Variants in PALLD observed in about 807,000 individuals in gnomAD.
The protein encoded by PALLD is palladin, cytoskeletal associated protein.
In PALLD, 61 loss-of-function variants were observed where a neutral mutation model predicts 123.5. The ratio of observed to expected loss-of-function variants is 0.49; its 90% CI spans 0.40 to 0.61. The LOEUF (loss-of-function observed/expected upper bound fraction) is 0.61. Among genes scored for constraint, PALLD ranks in the 20% least tolerant of loss-of-function variants. The pLI, the probability that PALLD is intolerant of heterozygous loss-of-function variation, is 0.00. For missense variants in PALLD, 1,273 were observed against 1,377.0 expected (o/e 0.92, Z 1.20); for synonymous variants, 465 against 496.4 (o/e 0.94, Z 0.84).
intron 2 of PALLD, among the ~76,000 whole-genome samples, chr4:168,662,429 C>T (rs1779213743): frequency 6.6e-6 from 1 of 152,230 alleles, no homozygotes; most frequent in South Asian, 2.1e-4. Context: ...CAGCCTTCAA[C>T]TTTAGTTGCT....
intron 2 of PALLD, among the ~76,000 whole-genome samples, chr4:168,542,819 T>C (rs957483443): frequency 4.8e-5 from 7 of 146,842 alleles, no homozygotes; most frequent in Non-Finnish European, 9.0e-5. Context: ...TGGGAATCTT[T>C]CACATCCTTA....
At chr4:168,640,241 G>A (rs1375753367) in intron 2 of PALLD, among the ~76,000 whole-genome samples, 1 of 152,156 alleles carries the variant, frequency 6.6e-6, no homozygotes, top group East Asian at 1.9e-4. Flanking sequence ...CCTCCATGTA[G>A]CATCCAGAAC....
chr4:168,748,280 C>A (rs534815544), intron 10 of PALLD, among the ~76,000 whole-genome samples: 53 of 152,264 alleles, frequency 3.5e-4, no homozygotes, highest in Admixed American at 4.6e-4. Flanking sequence ...TTCAGTCTCA[C>A]CCCAAATCAG....
chr4:168,582,599 T>C (rs190658550), intron 2 of PALLD, among the ~76,000 whole-genome samples: 75 of 152,282 alleles, frequency 4.9e-4, no homozygotes, highest in Admixed American at 2.2e-3. Flanking sequence ...TTGAGGAACA[T>C]TTCTTTGATA....
chr4:168,532,386 T>C (rs543430214), intron 2 of PALLD, among the ~76,000 whole-genome samples: 1 of 152,294 alleles, frequency 6.6e-6, no homozygotes, highest in South Asian at 2.1e-4. Context: ...AATCTAACTA[T>C]CAGAATAGCC....
rs573055680 is a variant in PALLD at position 168,728,959 on chromosome 4, T to A, written c.1964+17036T>A. ...TTGCCTGATTGCTCTGGCTAGGACA[T>A]CTGTGTCTTGCCTTTCTAAGATGAA... On this transcript the variant is annotated intron_variant, in intron 10 of 21. Coordinates refer to ENST00000505667, the MANE Select transcript of PALLD (RefSeq NM_001166108.2). 3.3e-5 allele frequency among the ~76,000 whole-genome samples: 5 copies of A among 152,320 alleles called. No individual in the cohort carries two copies. The South Asian group carries it at 1.0e-3, about 32-fold the overall frequency.
At chr4:168,720,730 G>A (rs561111926) in intron 10 of PALLD, among the ~76,000 whole-genome samples, 2 of 152,290 alleles carry the variant, frequency 1.3e-5, no homozygotes, top group South Asian at 2.1e-4. Context: ...TAAGAGAAAG[G>A]CATATCCTAT....
intron 8 of PALLD, among the ~76,000 whole-genome samples, chr4:168,697,286 G>A (rs1783219701): frequency 6.6e-6 from 1 of 152,236 alleles, no homozygotes; most frequent in African/African-American, 2.4e-5. Flanking sequence ...ACCCGACAGT[G>A]TGCTCCACCA....
chr4:168,807,932 C>T (rs1042869152), intron 10 of PALLD, among the ~76,000 whole-genome samples: 1 of 152,008 alleles, frequency 6.6e-6, no homozygotes, highest in African/African-American at 2.4e-5. Context: ...TCTCGAACTT[C>T]TGACCTCAGG....
At chr4:168,727,676 A>G (rs1035042491) in intron 10 of PALLD, among the ~76,000 whole-genome samples, 1 of 152,062 alleles carries the variant, frequency 6.6e-6, no homozygotes, top group Non-Finnish European at 1.5e-5. Context: ...TACACTGTTG[A>G]TAGTTTCTTT....
At chr4:168,542,717 CATATATATATATATATATATATATATAT>C (rs70961531) in intron 2 of PALLD, among the ~76,000 whole-genome samples, 6,924 of 88,892 alleles carry the variant, frequency 0.078, 462 homozygotes, top group Middle Eastern at 0.2. Flanking sequence ...CTAACCTTTC[CATATATATATATATATATATATATATAT>C]ATATATATAT....
intron 8 of PALLD, among the ~76,000 whole-genome samples, chr4:168,695,456 A>G (rs139282278): frequency 3.3e-5 from 5 of 152,364 alleles, no homozygotes; most frequent in Admixed American, 6.5e-5. Flanking sequence ...AAATTTTTTT[A>G]TGCAAACACA....
intron 10 of PALLD, among the ~76,000 whole-genome samples, chr4:168,833,188 G>C (rs990571975): frequency 1.3e-5 from 2 of 152,266 alleles, no homozygotes; most frequent in African/African-American, 4.8e-5. Context: ...GCTTGAGCCC[G>C]GATTGAGGCT....
At chr4:168,785,741 T>G (rs1191478507) in intron 10 of PALLD, among the ~76,000 whole-genome samples, 1 of 150,954 alleles carries the variant, frequency 6.6e-6, no homozygotes, top group Non-Finnish European at 1.5e-5. Flanking sequence ...CAGCCTCAAA[T>G]TTAAAGTCCA....
chr4:168,881,872 C>T (rs1174216312), intron 10 of PALLD, among the ~76,000 whole-genome samples: 1 of 152,156 alleles, frequency 6.6e-6, no homozygotes, highest in Non-Finnish European at 1.5e-5. Context: ...GCAGTGCCGA[C>T]AGGCATAGTG....
chr4:168,903,792 A>G lies in PALLD; in HGVS notation c.2508A>G (p.Pro836=), dbSNP rs1757051158. ...TTAAAGATGGGAAGCAGATCTCTCC[A>G]AAGAGTGATCACTACACCATTCAAA... ...YWFKDGKQIS[P]KSDHYTIQRD... Residue 836 remains proline (P), a synonymous_variant, in exon 15 of 22, where the codon CCA becomes CCG. Coordinates refer to ENST00000505667, the MANE Select transcript of PALLD (RefSeq NM_001166108.2). 4 of 1,611,172 alleles carry G rather than the reference A, an allele frequency of 2.5e-6. No homozygotes were observed. The African/African-American group carries it at 4.0e-5, about 16-fold the overall frequency.
At chr4:168,584,794 G>A (rs1770646930) in intron 2 of PALLD, among the ~76,000 whole-genome samples, 1 of 152,160 alleles carries the variant, frequency 6.6e-6, no homozygotes, top group African/African-American at 2.4e-5. Flanking sequence ...GGATAAACTT[G>A]AGGGGGACTG....
At chr4:168,804,961 C>T (rs1327752080) in intron 10 of PALLD, among the ~76,000 whole-genome samples, 1 of 152,066 alleles carries the variant, frequency 6.6e-6, no homozygotes, top group Non-Finnish European at 1.5e-5. Context: ...GAGTTCAAGA[C>T]CAGCCTGGCC....
chr4:168,756,194 G>C (rs1048063631), intron 10 of PALLD: 1 of 179,486 alleles, frequency 5.6e-6, no homozygotes, highest in African/African-American at 2.4e-5. Context: ...GTTCGGGTGA[G>C]CCCAGGTGTT....
Sources: allele counts gnomAD v4.1 joint callset (sites outside exome capture counted in the v4.1 genomes callset), GRCh38; gene constraint gnomAD v4.1.1; transcripts MANE v1.5; gene names NCBI Gene and HGNC (gene_info 2026-07-23, HGNC 2026-07-21).